Variants in CCDC171 observed in about 807,000 individuals in gnomAD.
CCDC171 encodes the protein coiled-coil domain-containing protein 171.
In CCDC171, 177 loss-of-function variants were observed where a neutral mutation model predicts 168.2. That is an observed-to-expected ratio of 1.05 (90% CI 0.93 to 1.19). CCDC171 has a LOEUF of 1.19. CCDC171 is among the 50% of genes most tolerant of loss of function. The pLI is 0.00. For synonymous variants in CCDC171, 687 were observed against 540.8 expected (o/e 1.27, Z -3.75); for missense variants, 1,991 against 1,539.0 (o/e 1.29, Z -4.91).
chr9:15,580,125 C>T (rs181702851), intron 4 of CCDC171, among the ~76,000 whole-genome samples: 2 of 152,240 alleles, frequency 1.3e-5, no homozygotes, highest in East Asian at 3.9e-4. Flanking sequence ...GGGGAAAGGA[C>T]ACCCTATTCA....
At chr9:15,691,720 C>G (rs1405341757) in intron 10 of CCDC171, among the ~76,000 whole-genome samples, 3 of 151,906 alleles carry the variant, frequency 2.0e-5, no homozygotes, top group Non-Finnish European at 4.4e-5. Context: ...CTCTGTCGCC[C>G]AGGCCGGAGT....
chr9:15,827,273 G>T (rs920780195), intron 21 of CCDC171, among the ~76,000 whole-genome samples: 4 of 152,080 alleles, frequency 2.6e-5, no homozygotes, highest in African/African-American at 9.7e-5. Context: ...TGTGTGGAAG[G>T]GGGGACATGT....
chr9:15,830,609 C>T (rs2060190867), intron 21 of CCDC171, among the ~76,000 whole-genome samples: 1 of 152,238 alleles, frequency 6.6e-6, no homozygotes, highest in African/African-American at 2.4e-5. Flanking sequence ...GAACAATGCA[C>T]CCAGAGTCTT....
downstream of CCDC171, among the ~76,000 whole-genome samples, chr9:15,977,686 G>A (rs1449965078): frequency 6.6e-6 from 1 of 152,160 alleles, no homozygotes; most frequent in African/African-American, 2.4e-5. Flanking sequence ...TCCCAGTGAA[G>A]CGGCTCCAGA....
chr9:16,011,467 CTT>C (rs1564118179), intron 3 of CCDC171, among the ~76,000 whole-genome samples: 2 of 152,178 alleles, frequency 1.3e-5, no homozygotes, highest in East Asian at 3.9e-4. Context: ...TCCATATAAA[CTT>C]ATTATTCACA....
chr9:15,990,299 C>T (rs562120573), intron 3 of CCDC171, among the ~76,000 whole-genome samples: 22 of 152,112 alleles, frequency 1.4e-4, no homozygotes, highest in East Asian at 1.4e-3. Flanking sequence ...GAATTTTCAA[C>T]CCAGAATTTC....
chr9:15,661,266 C>T (rs374987032), intron 8 of CCDC171, among the ~76,000 whole-genome samples: 2 of 131,032 alleles, frequency 1.5e-5, no homozygotes, highest in East Asian at 2.1e-4. Flanking sequence ...GGCGACAGAG[C>T]GAGACTCCGT....
intron 2 of CCDC171, among the ~76,000 whole-genome samples, chr9:15,568,641 C>G (rs534300193): frequency 2.0e-5 from 3 of 152,112 alleles, no homozygotes; most frequent in Non-Finnish European, 4.4e-5. Context: ...TTTTGATTTG[C>G]GTTTCTCTAA....
chr9:16,000,537 G>A (rs1832509584), intron 3 of CCDC171, among the ~76,000 whole-genome samples: 2 of 152,150 alleles, frequency 1.3e-5, no homozygotes, highest in South Asian at 4.1e-4. Context: ...GGTGGGGAGC[G>A]ATTGCAGAGA....
chr9:16,108,188 C>T, the CCDC171 span, among the ~76,000 whole-genome samples: 1 of 152,168 alleles, frequency 6.6e-6, no homozygotes, highest in African/African-American at 2.4e-5. Context: ...AGGTCAGTGT[C>T]ATAGGCCGAG....
At chr9:15,628,028 A>C (rs139132550) in intron 7 of CCDC171, among the ~76,000 whole-genome samples, 6 of 152,046 alleles carry the variant, frequency 3.9e-5, no homozygotes, top group African/African-American at 1.4e-4. Flanking sequence ...AAATGTTAAA[A>C]GGTTTCACTG....
At chr9:15,691,797 C>T (rs534985396) in intron 10 of CCDC171, among the ~76,000 whole-genome samples, 2 of 152,152 alleles carry the variant, frequency 1.3e-5, no homozygotes, top group African/African-American at 4.8e-5. Context: ...CCACCTCAAC[C>T]TGCTGAGTAA....
the CCDC171 span, among the ~76,000 whole-genome samples, chr9:16,067,290 C>A: frequency 6.6e-6 from 1 of 151,888 alleles, no homozygotes; most frequent in Non-Finnish European, 1.5e-5. Context: ...ATGTCCTCCG[C>A]CCACTTTTTG....
At chr9:15,733,805 G>A (rs1005072647) in intron 16 of CCDC171, among the ~76,000 whole-genome samples, 2 of 152,092 alleles carry the variant, frequency 1.3e-5, no homozygotes, top group Admixed American at 1.3e-4. Flanking sequence ...CTTTCGCCCT[G>A]TTGCCCTGGC....
chr9:15,636,605 C>A (rs114114749), intron 7 of CCDC171, among the ~76,000 whole-genome samples: 2,541 of 151,730 alleles, frequency 0.017, 80 homozygotes, highest in African/African-American at 0.058. Context: ...AAAACTTAGC[C>A]AAACATGGTG....
At chr9:15,986,227 G>T (rs1564102364) in intron 3 of CCDC171, among the ~76,000 whole-genome samples, 1 of 152,198 alleles carries the variant, frequency 6.6e-6, no homozygotes, top group Non-Finnish European at 1.5e-5. Flanking sequence ...TAAAAGCAAA[G>T]AATTGACCAA....
At chr9:15,696,306 C>G (rs941872276) in intron 11 of CCDC171, among the ~76,000 whole-genome samples, 1 of 152,200 alleles carries the variant, frequency 6.6e-6, no homozygotes, top group Non-Finnish European at 1.5e-5. Context: ...GTAGATTTCT[C>G]AGTTGGTAAG....
rs767739036 is a variant in CCDC171 at position 16,009,753 on chromosome 9, G to GTAA, written n.369-10835_369-10834insAAT. Among the ~76,000 whole-genome samples, 4 of 152,052 alleles carry GTAA rather than the reference G, an allele frequency of 2.6e-5. No individual in the cohort carries two copies. The East Asian group carries it at 7.7e-4, about 29-fold the overall frequency. On this transcript the variant is annotated intron_variant and non_coding_transcript_variant, in intron 3 of 9. Coordinates refer to the CCDC171 transcript ENST00000486641. ...TTTTAAAATCTAGATAAACTTCTGA[G>GTAA]TTATTTAGTCCAATATTATTTGGAA...
chr9:15,961,428 T>C (rs190727716), intron 25 of CCDC171, among the ~76,000 whole-genome samples: 24 of 152,314 alleles, frequency 1.6e-4, no homozygotes, highest in African/African-American at 5.8e-4. Flanking sequence ...TGGAGTAAAA[T>C]GAAGGCACAC....
Sources: allele counts gnomAD v4.1 joint callset (sites outside exome capture counted in the v4.1 genomes callset), GRCh38; gene constraint gnomAD v4.1.1; transcripts MANE v1.5; gene names NCBI Gene and HGNC (gene_info 2026-07-23, HGNC 2026-07-21).